The following EEPD1 variants were observed in gnomAD, a reference collection of about 807,000 sequenced individuals.
EEPD1 encodes endonuclease/exonuclease/phosphatase family domain-containing protein 1.
EEPD1 carries 17 observed loss-of-function variants against 46.3 expected under a neutral mutation model. That is an observed-to-expected ratio of 0.37 (90% CI 0.25 to 0.55). The LOEUF is 0.55. Ranked by LOEUF, EEPD1 falls within the 20% of genes least tolerant of loss-of-function variation. EEPD1 has a pLI of 0.83. For synonymous variants in EEPD1, 313 were observed against 315.6 expected (o/e 0.99, Z 0.09); for missense variants, 673 against 745.6 (o/e 0.90, Z 1.13).
chr7:36,225,602 G>A lies in EEPD1; in HGVS notation c.879-13383G>A, dbSNP rs973056077. On this transcript the variant is annotated intron_variant, in intron 2 of 7. Transcript: ENST00000242108. The surrounding 1 kb of genome is among the most constrained non-coding windows in gnomAD (Gnocchi z 4.2). ...AGAAAAAAGTAACAAAAATTAAGTC[G>A]ACTTTAGACTTGTTCTGTATAACAA... Among the ~76,000 whole-genome samples the A allele has an allele frequency of 1.3e-5, 2 of 152,074 alleles. No individual in the cohort carries two copies. The highest frequency in any genetic ancestry group is 1.9e-4 in the East Asian group (1 of 5,196).
At chr7:36,228,039 G>C (rs1413050737) in intron 2 of EEPD1, among the ~76,000 whole-genome samples, 1 of 152,086 alleles carries the variant, frequency 6.6e-6, no homozygotes, top group Non-Finnish European at 1.5e-5. Flanking sequence ...GAGCCCAGGA[G>C]TTGGAGACCA....
At chr7:36,278,244 G>A (rs1421275253) in intron 3 of EEPD1, among the ~76,000 whole-genome samples, 4 of 152,176 alleles carry the variant, frequency 2.6e-5, no homozygotes, top group East Asian at 1.9e-4. Context: ...TCAGACTTCC[G>A]ACCCCTCCCA....
At chr7:36,196,435 C>T (rs538777029) in intron 2 of EEPD1, among the ~76,000 whole-genome samples, 1 of 152,148 alleles carries the variant, frequency 6.6e-6, no homozygotes, top group South Asian at 2.1e-4. Context: ...TCTCCCTCTC[C>T]TTTCCATGGT....
intron 4 of EEPD1, among the ~76,000 whole-genome samples, chr7:36,282,248 C>T (rs147206165): frequency 6.6e-6 from 1 of 152,358 alleles, no homozygotes; most frequent in African/African-American, 2.4e-5. Flanking sequence ...TTTGATCGCA[C>T]TTTACATGTA....
At chr7:36,261,284 T>G (rs1423632422) in intron 3 of EEPD1, among the ~76,000 whole-genome samples, 2 of 152,220 alleles carry the variant, frequency 1.3e-5, no homozygotes, top group Non-Finnish European at 2.9e-5. Flanking sequence ...TTTATTGGGT[T>G]GGAAGAGGGC....
At position 36,225,412 on chromosome 7, in the gene EEPD1, G is replaced by A. The variant is rs1786216632; in HGVS notation, c.879-13573G>A. Among the ~76,000 whole-genome samples the A allele has an allele frequency of 6.6e-6, 1 of 152,168 alleles. No individual in the cohort carries two copies. Among genetic ancestry groups the A allele is most frequent in the Non-Finnish European group, 1.5e-5 (1 of 68,050 alleles). On this transcript the variant is annotated intron_variant, in intron 2 of 7. Transcript: ENST00000242108. The surrounding 1 kb of genome is among the most constrained non-coding windows in gnomAD (Gnocchi z 4.2). ...ATCAGTGATCCGTCATCCAAACTGT[G>A]ATGGAAGGAAACCCCGTGCTCACGA...
At chr7:36,179,364 A>G (rs1441650066) in intron 2 of EEPD1, among the ~76,000 whole-genome samples, 1 of 152,152 alleles carries the variant, frequency 6.6e-6, no homozygotes, top group African/African-American at 2.4e-5. Flanking sequence ...TAAGTAATAT[A>G]TATATTGGGG....
At chr7:36,190,508 C>G (rs567888111) in intron 2 of EEPD1, among the ~76,000 whole-genome samples, 1 of 152,262 alleles carries the variant, frequency 6.6e-6, no homozygotes, top group South Asian at 2.1e-4. Context: ...TAATCCTGAC[C>G]AAGAAACAGT....
intron 6 of EEPD1, among the ~76,000 whole-genome samples, chr7:36,293,193 G>A (rs939189852): frequency 6.6e-6 from 1 of 152,122 alleles, no homozygotes; most frequent in Admixed American, 6.5e-5. Flanking sequence ...TAGAAATGTG[G>A]TGGTAAAGTG....
intron 4 of EEPD1, among the ~76,000 whole-genome samples, chr7:36,281,786 C>T (rs1787264625): frequency 6.6e-6 from 1 of 151,674 alleles, no homozygotes; most frequent in African/African-American, 2.4e-5. Context: ...GATTTATTCA[C>T]CTTGCAATGC....
chr7:36,284,867 A>G, intron 5 of EEPD1, 47 bp downstream of exon 5: 1 of 1,430,364 alleles, frequency 7.0e-7, no homozygotes, highest in Non-Finnish European at 9.2e-7. Context: ...TTCTTTCTAA[A>G]AAGGAAAGAA....
intron 3 of EEPD1, among the ~76,000 whole-genome samples, chr7:36,262,088 C>A (rs1422493335): frequency 6.6e-6 from 1 of 152,216 alleles, no homozygotes; most frequent in Non-Finnish European, 1.5e-5. Context: ...CTTGGTTTCC[C>A]CCCACCCACA....
At chr7:36,159,182 A>G (rs1479820833) in intron 2 of EEPD1, among the ~76,000 whole-genome samples, 1 of 152,262 alleles carries the variant, frequency 6.6e-6, no homozygotes, top group East Asian at 1.9e-4. Context: ...TGCTGTGTGC[A>G]TATATAAGCT....
At chr7:36,292,394 C>T (rs1768557799) in intron 6 of EEPD1, among the ~76,000 whole-genome samples, 1 of 150,302 alleles carries the variant, frequency 6.7e-6, no homozygotes, top group Admixed American at 6.6e-5. Context: ...CTTTTCTTTT[C>T]TTTCTTTCTT....
chr7:36,269,395 A>C (rs1052579740), intron 3 of EEPD1, among the ~76,000 whole-genome samples: 1 of 152,150 alleles, frequency 6.6e-6, no homozygotes, highest in Non-Finnish European at 1.5e-5. Flanking sequence ...GTGGTTCACA[A>C]CTGGTCCCAG....
intron 2 of EEPD1, among the ~76,000 whole-genome samples, chr7:36,200,548 A>G (rs1354271684): frequency 6.6e-6 from 1 of 152,230 alleles, no homozygotes; most frequent in African/African-American, 2.4e-5. Context: ...AATTCTAAAA[A>G]GAAGAACTTA....
intron 2 of EEPD1, among the ~76,000 whole-genome samples, chr7:36,203,982 A>G (rs865833747): frequency 4.6e-5 from 7 of 151,164 alleles, no homozygotes; most frequent in African/African-American, 1.5e-4. Context: ...TTTACCCAAT[A>G]ACATTTCAGT....
intron 2 of EEPD1, among the ~76,000 whole-genome samples, chr7:36,197,300 G>A (rs1562682775): frequency 6.9e-6 from 1 of 144,890 alleles, no homozygotes; most frequent in Admixed American, 6.7e-5. Context: ...GGGGGGGTCA[G>A]CCCCCCGCCC....
intron 3 of EEPD1, among the ~76,000 whole-genome samples, chr7:36,262,627 C>T (rs1038627869): frequency 5.9e-5 from 9 of 152,208 alleles, no homozygotes; most frequent in East Asian, 1.9e-4. Context: ...GGTCTGCCAG[C>T]ATTTGGGAGG....
Sources: allele counts gnomAD v4.1 joint callset (sites outside exome capture counted in the v4.1 genomes callset), GRCh38; gene constraint gnomAD v4.1.1; non-coding constraint Gnocchi (gnomAD v3.1); transcripts MANE v1.5; gene names NCBI Gene and HGNC (gene_info 2026-07-23, HGNC 2026-07-21).